Variants in GMDS observed in about 807,000 individuals in gnomAD.
GMDS encodes the protein GDP-mannose 4,6-dehydratase.
In GMDS, 20 loss-of-function variants were observed where a neutral mutation model predicts 49.9. That is an observed-to-expected ratio of 0.40 (90% confidence interval 0.28 to 0.58). The LOEUF (loss-of-function observed/expected upper bound fraction) is 0.58. Among genes scored for constraint, GMDS ranks in the 20% least tolerant of loss-of-function variants. GMDS has a pLI of 0.42. For missense variants in GMDS, 362 were observed against 481.4 expected (o/e 0.75, Z 2.32); for synonymous variants, 177 against 178.6 (o/e 0.99, Z 0.07).
intron 2 of GMDS, among the ~76,000 whole-genome samples, chr6:2,122,795 T>G (rs1775211899): frequency 6.6e-6 from 1 of 152,252 alleles, no homozygotes; most frequent in Admixed American, 6.5e-5. Flanking sequence ...GATTATGCTT[T>G]GTGGCTGTGT....
intron 4 of GMDS, among the ~76,000 whole-genome samples, chr6:1,969,070 G>A (rs1018142804): frequency 1.8e-4 from 27 of 151,666 alleles, no homozygotes; most frequent in Non-Finnish European, 3.2e-4. Context: ...GACCATCCTG[G>A]CTAACACGGT....
intron 7 of GMDS, among the ~76,000 whole-genome samples, chr6:1,764,651 T>A (rs1768279876): frequency 6.6e-6 from 1 of 152,300 alleles, no homozygotes; most frequent in Admixed American, 6.5e-5. Context: ...TCCGTAACGA[T>A]CGTCAAGATA....
intron 4 of GMDS, among the ~76,000 whole-genome samples, chr6:2,016,222 G>GCACT (rs1279880583): frequency 1.1e-4 from 16 of 150,306 alleles, no homozygotes; most frequent in Admixed American, 1.1e-3. Flanking sequence ...TTGCGCCACT[G>GCACT]CACTCTAGCC....
At position 1,879,302 on chromosome 6, in the gene GMDS, G is replaced by A. The variant is rs115450887; in HGVS notation, c.771+50801C>T. On this transcript the variant is annotated intron_variant, in intron 7 of 10. Coordinates refer to ENST00000380815, the MANE Select transcript of GMDS (RefSeq NM_001500.4). Reference sequence around the variant, plus strand: ...CACAAGAAGAAAAAACATTAAATACGCTACTAAGAAAGGTGGTGGAATTTA... The same window carrying A: ...CACAAGAAGAAAAAACATTAAATACACTACTAAGAAAGGTGGTGGAATTTA... Among the ~76,000 whole-genome samples the A allele has an allele frequency of 3.8e-3, 576 of 152,164 alleles. 3 individuals carry two copies. Among genetic ancestry groups the A allele is most frequent in the African/African-American group, 0.013 (543 of 41,520 alleles).
At chr6:2,230,645 CA>C (rs1158061213) in intron 1 of GMDS, among the ~76,000 whole-genome samples, 1 of 151,730 alleles carries the variant, frequency 6.6e-6, no homozygotes, top group Non-Finnish European at 1.5e-5. Flanking sequence ...GAAAATACTA[CA>C]TAAATTTAAA....
At chr6:1,809,373 A>G (rs1770316134) in intron 7 of GMDS, among the ~76,000 whole-genome samples, 1 of 152,204 alleles carries the variant, frequency 6.6e-6, no homozygotes, top group Admixed American at 6.5e-5. Flanking sequence ...GTTTAACAGA[A>G]CCCATTACCA....
intron 1 of GMDS, among the ~76,000 whole-genome samples, chr6:2,200,341 G>A (rs1053107627): frequency 5.9e-5 from 9 of 151,936 alleles, no homozygotes; most frequent in African/African-American, 1.9e-4. Flanking sequence ...ATGCACATCC[G>A]AGATGAAACA....
intron 9 of GMDS, among the ~76,000 whole-genome samples, chr6:1,681,611 C>T (rs1037178109): frequency 2.6e-5 from 4 of 152,170 alleles, no homozygotes; most frequent in African/African-American, 9.7e-5. Flanking sequence ...TCCCTGGCAG[C>T]CCCAGGCAGA....
intron 1 of GMDS, among the ~76,000 whole-genome samples, chr6:2,194,754 C>T (rs778169857): frequency 1.2e-4 from 19 of 152,236 alleles, no homozygotes; most frequent in Non-Finnish European, 1.9e-4. Context: ...TTTCAAATCA[C>T]GTCAGTTTCC....
intron 9 of GMDS, among the ~76,000 whole-genome samples, chr6:1,689,778 A>G (rs960974833): frequency 5.3e-5 from 8 of 152,218 alleles, no homozygotes; most frequent in African/African-American, 1.9e-4. Flanking sequence ...CACCTCATAA[A>G]CGTCTTCTGA....
chr6:1,652,443 T>TAA lies in GMDS; in HGVS notation c.988-27904_988-27903insTT, dbSNP rs1491491632. 2.3e-3 allele frequency among the ~76,000 whole-genome samples: 31 copies of TAA among 13,560 alleles called. 6 individuals carry two copies. The highest frequency in any genetic ancestry group is 8.8e-3 in the African/African-American group (31 of 3,532). The allele number at this position is 13,560 out of a possible 152,430, so 8.9% of individuals were successfully genotyped here. A position where few individuals can be genotyped will look rare whatever the true frequency, so the allele number is the denominator to read the frequency against. On this transcript the variant is annotated intron_variant, in intron 9 of 10. Transcript: ENST00000380815. ...ATATATATATAATATATTATATATA[T>TAA]TTATATATTATTTATATATAATATA...
intron 7 of GMDS, among the ~76,000 whole-genome samples, chr6:1,849,031 A>G (rs980955793): frequency 6.6e-6 from 1 of 152,166 alleles, no homozygotes; most frequent in South Asian, 2.1e-4. Context: ...TCCCTCAGTT[A>G]TAACAATCAA....
intron 7 of GMDS, among the ~76,000 whole-genome samples, chr6:1,749,032 A>G (rs941220795): frequency 7.2e-5 from 11 of 152,166 alleles, no homozygotes; most frequent in African/African-American, 2.7e-4. Context: ...AGGAGGGGGA[A>G]CAGGAAAGTA....
chr6:1,771,516 A>G (rs1352676256), intron 7 of GMDS, among the ~76,000 whole-genome samples: 2 of 152,260 alleles, frequency 1.3e-5, no homozygotes, highest in Non-Finnish European at 2.9e-5. Flanking sequence ...TAGTGAGTCA[A>G]TACAATGGTG....
chr6:2,011,961 A>G (rs2325759), intron 4 of GMDS, among the ~76,000 whole-genome samples: 71,016 of 151,982 alleles, frequency 0.47, 16,907 homozygotes, highest in African/African-American at 0.55. Context: ...TGTCTTTTCT[A>G]GCAATGTGTA....
intron 6 of GMDS, among the ~76,000 whole-genome samples, chr6:1,944,905 T>C (rs1406598737): frequency 1.3e-5 from 2 of 152,176 alleles, no homozygotes; most frequent in African/African-American, 4.8e-5. Context: ...TGTTATTCTC[T>C]TCTGTCACAG....
chr6:2,025,411 G>A (rs1477314219), intron 4 of GMDS, among the ~76,000 whole-genome samples: 1 of 120,038 alleles, frequency 8.3e-6, no homozygotes, highest in African/African-American at 3.2e-5. Context: ...TGTGTGTTTT[G>A]GTAAATATTT....
intron 7 of GMDS, among the ~76,000 whole-genome samples, chr6:1,798,831 C>G (rs571010290): frequency 6.6e-6 from 1 of 152,152 alleles, no homozygotes; most frequent in South Asian, 2.1e-4. Flanking sequence ...ACACCTACAC[C>G]GGGTGTGTGA....
chr6:2,218,394 AG>A (rs1436731422), intron 1 of GMDS, among the ~76,000 whole-genome samples: 1 of 152,222 alleles, frequency 6.6e-6, no homozygotes, highest in African/African-American at 2.4e-5. Context: ...GTTTTAAACA[AG>A]GGATGAAGAT....
Sources: allele counts gnomAD v4.1 joint callset (sites outside exome capture counted in the v4.1 genomes callset), GRCh38; gene constraint gnomAD v4.1.1; transcripts MANE v1.5; gene names NCBI Gene and HGNC (gene_info 2026-07-23, HGNC 2026-07-21).